The following RBM47 variants were observed in gnomAD, a reference collection of about 807,000 sequenced individuals.
RBM47 encodes RNA-binding protein 47.
RBM47 carries 21 observed loss-of-function variants against 47.1 expected under a neutral mutation model. The ratio of observed to expected loss-of-function variants is 0.45; its 90% CI spans 0.32 to 0.64. The LOEUF (loss-of-function observed/expected upper bound fraction) is 0.64, where lower values mean the gene tolerates loss of function less well. Ranked by LOEUF, RBM47 falls within the 30% of genes least tolerant of loss-of-function variation. The pLI is 0.05. For missense variants in RBM47, 708 were observed against 870.9 expected, an observed-to-expected ratio of 0.81 and a Z score of 2.35; for synonymous variants, 375 against 361.7, an observed-to-expected ratio of 1.04 and a Z score of -0.42.
At chr4:40,476,108 T>C (rs1347964562) in intron 2 of RBM47, among the ~76,000 whole-genome samples, 1 of 152,148 alleles carries the variant, frequency 6.6e-6, no homozygotes, top group Non-Finnish European at 1.5e-5. Flanking sequence ...TAGAACCAGA[T>C]AGATGCCCAT....
chr4:40,594,079 G>A (rs1490809790), intron 1 of RBM47, among the ~76,000 whole-genome samples: 1 of 151,842 alleles, frequency 6.6e-6, no homozygotes, highest in African/African-American at 2.4e-5. Context: ...AAGAAAGAAA[G>A]AAAGAAAAGA....
At chr4:40,604,418 A>C (rs1377154191) in intron 1 of RBM47, among the ~76,000 whole-genome samples, 1 of 152,164 alleles carries the variant, frequency 6.6e-6, no homozygotes. Flanking sequence ...TGAAGCCAGG[A>C]GTTTAAAACC....
At chr4:40,479,559 A>C (rs1720090472) in intron 2 of RBM47, among the ~76,000 whole-genome samples, 1 of 152,192 alleles carries the variant, frequency 6.6e-6, no homozygotes, top group African/African-American at 2.4e-5. Flanking sequence ...GCATCACTGC[A>C]TTCCAGACTG....
chr4:40,476,480 TA>T (rs1204157087), intron 2 of RBM47, among the ~76,000 whole-genome samples: 1 of 151,736 alleles, frequency 6.6e-6, no homozygotes, highest in Non-Finnish European at 1.5e-5. Context: ...GATTTACTCA[TA>T]AGAAGTGGAG....
chr4:40,538,544 C>G (rs1431931485), intron 2 of RBM47, among the ~76,000 whole-genome samples: 1 of 152,054 alleles, frequency 6.6e-6, no homozygotes. Context: ...CCAGGATGGT[C>G]TCGATCTTTT....
chr4:40,436,979 C>T (rs1358667178), intron 4 of RBM47: 2 of 422,910 alleles, frequency 4.7e-6, no homozygotes, highest in Non-Finnish European at 9.4e-6. Flanking sequence ...GTGTCTTATG[C>T]CTGTAATCCC....
chr4:40,432,740 C>A lies in RBM47; in HGVS notation c.1453G>T (p.Asp485Tyr). Residue 485 changes from aspartate to tyrosine, a missense_variant, in exon 6 of 7, where the codon GAC becomes TAC. Coordinates refer to ENST00000295971, the MANE Select transcript of RBM47 (RefSeq NM_001098634.2). ...HMISPIAVQP[D>Y]PASAAAAAAA... is the part of the protein sequence containing the mutation. ...GCGGCGGCAGCAGCACTGGCTGGGT[C>A]TGGCTGCACAGCAATGGGGCTGATC... 1 of 1,612,856 alleles carries A rather than the reference C, an allele frequency of 6.2e-7. No individual in the cohort carries two copies. Among genetic ancestry groups the A allele is most frequent in the South Asian group, 1.1e-5 (1 of 90,974 alleles).
intron 2 of RBM47, among the ~76,000 whole-genome samples, chr4:40,476,273 T>C (rs1719597698): frequency 6.6e-6 from 1 of 152,170 alleles, no homozygotes; most frequent in South Asian, 2.1e-4. Flanking sequence ...CTTAGAAATG[T>C]TATATTTTTA....
At chr4:40,526,751 T>C (rs1433932644) in intron 2 of RBM47, among the ~76,000 whole-genome samples, 3 of 151,118 alleles carry the variant, frequency 2.0e-5, no homozygotes, top group Non-Finnish European at 4.4e-5. Context: ...TTATTTTATG[T>C]AGAGACAGGG....
At chr4:40,617,000 C>G (rs1174759528) in intron 1 of RBM47, among the ~76,000 whole-genome samples, 1 of 150,848 alleles carries the variant, frequency 6.6e-6, no homozygotes, top group Non-Finnish European at 1.5e-5. Flanking sequence ...CTCAGCCTCC[C>G]GAGTAGCTAG....
In RBM47 at chr4:40,537,533, T is replaced by G. The variant is rs1728104048; in HGVS notation, c.-155+6889A>C. Among the ~76,000 whole-genome samples, 4 of 149,320 alleles carry G rather than the reference T, an allele frequency of 2.7e-5. No homozygotes were observed. In the Admixed American group the frequency reaches 2.7e-4, roughly 10 times the overall value. Reference sequence around the variant, plus strand: ...TCCCAAAGTGCTGGGATTCCAGGCGTGAGCCACCATACCTGGCCTAATTTT... The same window carrying G: ...TCCCAAAGTGCTGGGATTCCAGGCGGGAGCCACCATACCTGGCCTAATTTT... On this transcript the variant is annotated intron_variant, in intron 2 of 6. Transcript: ENST00000295971.
In RBM47 at chr4:40,627,223, T is replaced by C. The variant is rs1737825981; in HGVS notation, c.-240+2173A>G. ...GACAAGCACTTAAAGCTGCATTTAA[T>C]GTCTTCATTGTAACTTCATCAAAGT... On this transcript the variant is annotated intron_variant, in intron 1 of 6. Transcript: ENST00000295971. Among the ~76,000 whole-genome samples, 3 of 152,220 alleles carry C rather than the reference T, an allele frequency of 2.0e-5. No individual in the cohort carries two copies. The South Asian group carries it at 6.2e-4, about 31-fold the overall frequency.
At chr4:40,429,976 T>C (rs1222533303) in intron 6 of RBM47, among the ~76,000 whole-genome samples, 3 of 151,700 alleles carry the variant, frequency 2.0e-5, no homozygotes, top group Non-Finnish European at 2.9e-5. Context: ...GGGCGGATCA[T>C]GAAGTCAGGA....
chr4:40,452,844 T>C (rs922189491), intron 3 of RBM47, among the ~76,000 whole-genome samples: 60 of 117,164 alleles, frequency 5.1e-4, no homozygotes, highest in Non-Finnish European at 7.2e-4. Context: ...TTCCTTCTTT[T>C]TTTTTTTTTT....
chr4:40,569,568 C>G (rs1277456099), intron 1 of RBM47, among the ~76,000 whole-genome samples: 1 of 147,702 alleles, frequency 6.8e-6, no homozygotes, highest in Non-Finnish European at 1.5e-5. Flanking sequence ...CACCACCACA[C>G]CCGGCTAATT....
chr4:40,616,297 T>C (rs1173860406), intron 1 of RBM47, among the ~76,000 whole-genome samples: 1 of 142,896 alleles, frequency 7.0e-6, no homozygotes, highest in Non-Finnish European at 1.5e-5. Context: ...GAGCTTGCAG[T>C]GAGCCGAGAT....
intron 1 of RBM47, among the ~76,000 whole-genome samples, chr4:40,554,937 T>C (rs1341096544): frequency 1.3e-5 from 2 of 151,828 alleles, no homozygotes; most frequent in Admixed American, 6.6e-5. Flanking sequence ...AATTTTTGGT[T>C]TTTTGTTTTG....
chr4:40,440,720 G>C (rs1713493084), intron 3 of RBM47, among the ~76,000 whole-genome samples: 1 of 152,148 alleles, frequency 6.6e-6, no homozygotes, highest in Admixed American at 6.5e-5. Context: ...ACTTGCTAGT[G>C]TTAGCTGCTC....
At chr4:40,479,150 A>G (rs1720042107) in intron 2 of RBM47, among the ~76,000 whole-genome samples, 1 of 152,260 alleles carries the variant, frequency 6.6e-6, no homozygotes, top group Non-Finnish European at 1.5e-5. Context: ...CTATATGATT[A>G]AAGCACCATA....
Sources: gnomAD v4.1 joint callset for allele counts (sites outside exome capture counted in the v4.1 genomes callset) on GRCh38, gnomAD v4.1.1 for gene constraint, MANE v1.5 for transcripts, NCBI Gene and HGNC (gene_info 2026-07-23, HGNC 2026-07-21) for gene names.